The following ITPK1 variants were observed in gnomAD, a reference collection of about 807,000 sequenced individuals.
ITPK1 encodes inositol 1,3,4-trisphosphate 5/6-kinase.
Under a neutral mutation model 45.3 loss-of-function variants are expected in ITPK1, and 21 were observed. The observed-to-expected ratio is 0.46, with a 90% CI of 0.33 to 0.67. The LOEUF (loss-of-function observed/expected upper bound fraction) is 0.67. Ranked by LOEUF, ITPK1 falls within the 30% of genes least tolerant of loss-of-function variation. The pLI is 0.02. For missense variants in ITPK1, 474 were observed against 573.5 expected (o/e 0.83, Z 1.77); for synonymous variants, 258 against 253.6 (o/e 1.02, Z -0.16).
Position 93,014,589 on chromosome 14 carries a change from G to A in ITPK1, c.246+2087C>T, listed in dbSNP as rs1888080889. On this transcript the variant is annotated intron_variant, in intron 4 of 10. Transcript: ENST00000267615. This position sits in a 1 kb window ranked among gnomAD's most constrained non-coding sequence, Gnocchi z 4.4. The stretch of plus-strand genomic sequence containing the variant: ...AACTGAGGCTGTGGGGAGGCACGCG[G>A]TTCCTAAGTTTTGGAACAAGGATCT... 6.6e-6 allele frequency among the ~76,000 whole-genome samples: 1 copy of A among 152,174 alleles called. No homozygotes were observed. Among genetic ancestry groups the A allele is most frequent in the Admixed American group, 6.5e-5 (1 of 15,286 alleles).
intron 5 of ITPK1, among the ~76,000 whole-genome samples, chr14:92,992,660 G>A (rs1401196267): frequency 6.6e-6 from 1 of 152,248 alleles, no homozygotes; most frequent in African/African-American, 2.4e-5. Context: ...CTCCAGGCCA[G>A]GGTCCTCAGT....
Position 92,941,180 on chromosome 14 carries a change from C to T in ITPK1, c.*381G>A, listed in dbSNP as rs558641660. ...CAGCCCGACATGGGCAGGCTTCCCCCAAGGGTCCCGGTCCACAGTGGCCAT... is the reference window on the plus strand; with the variant it reads ...CAGCCCGACATGGGCAGGCTTCCCCTAAGGGTCCCGGTCCACAGTGGCCAT... On this transcript the variant is annotated 3_prime_UTR_variant, in exon 11 of 11. Transcript: ENST00000267615. 1.8e-4 allele frequency: 221 copies of T among 1,235,928 alleles called. No homozygotes were observed. Among genetic ancestry groups the T allele is most frequent in the Non-Finnish European group, 2.2e-4 (213 of 976,348 alleles). The allele number at this position is 1,235,928 out of a possible 1,614,324, so 76.6% of individuals were successfully genotyped here.
chr14:92,983,819 T>TA (rs1886353488), intron 5 of ITPK1, among the ~76,000 whole-genome samples: 1 of 142,390 alleles, frequency 7.0e-6, no homozygotes, highest in Non-Finnish European at 1.5e-5. Context: ...CCCAGTTTGT[T>TA]TAAAAAAAAA....
At position 92,941,698 on chromosome 14, in the gene ITPK1, C is replaced by T. The variant is rs761329471; in HGVS notation, c.1108G>A (p.Ala370Thr). 2.1e-5 allele frequency: 33 copies of T among 1,560,374 alleles called. No homozygotes were observed. Among genetic ancestry groups the T allele is most frequent in the Admixed American group, 1.3e-4 (7 of 54,268 alleles). The change falls in exon 11 of 11, where the codon GCG (alanine) becomes ACG (threonine). Residue 370 changes from alanine (A) to threonine (T), a missense_variant. Ala to Thr is a moderately conservative substitution (Grantham distance 58). Transcript: ENST00000267615. Reference protein sequence around the residue: ...GCCGSMMGQDAPWKAEADAGG... With the variant: ...GCCGSMMGQDTPWKAEADAGG... Reference sequence around the variant, plus strand: ...GCGTCGGCCTCAGCCTTCCAGGGCGCGTCCTGGCCCATCATGCTGCCGCAG... The same window carrying T: ...GCGTCGGCCTCAGCCTTCCAGGGCGTGTCCTGGCCCATCATGCTGCCGCAG...
intron 2 of ITPK1, among the ~76,000 whole-genome samples, chr14:93,100,243 T>A (rs997094084): frequency 6.6e-6 from 1 of 152,102 alleles, no homozygotes; most frequent in Admixed American, 6.5e-5. Flanking sequence ...GCATGAGGGA[T>A]GGGGGACCCT....
intron 4 of ITPK1, among the ~76,000 whole-genome samples, chr14:93,015,558 C>A (rs538214581): frequency 2.6e-5 from 4 of 152,244 alleles, no homozygotes; most frequent in Non-Finnish European, 5.9e-5. Flanking sequence ...AGTCTCCAGT[C>A]CGATCAAGGA....
intron 2 of ITPK1, among the ~76,000 whole-genome samples, chr14:93,111,509 G>A (rs1362252794): frequency 6.6e-6 from 1 of 152,012 alleles, no homozygotes; most frequent in African/African-American, 2.4e-5. Context: ...TCAGGAGTTC[G>A]AGACCAGCCT....
Position 92,979,694 on chromosome 14 carries a change from AT to A in ITPK1, c.364+14185del, listed in dbSNP as rs543042273. On this transcript the variant is annotated intron_variant, in intron 5 of 10. Coordinates refer to ENST00000267615, the MANE Select transcript of ITPK1 (RefSeq NM_014216.6). ...TACTTCCCCTTTGCCTTCCGCCATG[AT>A]TGTAAGTTTCCTGAGGCCTCCCTGG... is the stretch of plus-strand genomic sequence containing the variant. Among the ~76,000 whole-genome samples, 446 of 151,930 alleles carry A rather than the reference AT, an allele frequency of 2.9e-3. 4 individuals carry two copies. The highest frequency in any genetic ancestry group is 9.9e-3 in the African/African-American group (408 of 41,394).
chr14:93,111,743 T>C (rs113699097), intron 2 of ITPK1, among the ~76,000 whole-genome samples: 26 of 106,732 alleles, frequency 2.4e-4, no homozygotes, highest in Admixed American at 2.4e-3. Context: ...AAAGAGGGGG[T>C]GGTGTGGGAG....
chr14:93,103,032 G>A lies in ITPK1; in HGVS notation c.95+12037C>T, dbSNP rs369502156. On this transcript the variant is annotated intron_variant, in intron 2 of 10. Coordinates refer to ENST00000267615, the MANE Select transcript of ITPK1 (RefSeq NM_014216.6). ...GAAGAATGGCATGAACCTGGGAGGC[G>A]GAGCTTGCAGTGAGCCAAGATCGCG... Among the ~76,000 whole-genome samples the A allele has an allele frequency of 4.4e-4, 65 of 147,808 alleles. 1 individual carries two copies. In the East Asian group the frequency reaches 5.2e-3, roughly 12 times the overall value.
intron 8 of ITPK1, among the ~76,000 whole-genome samples, chr14:92,953,258 C>T (rs1054153644): frequency 2.6e-5 from 4 of 152,246 alleles, no homozygotes; most frequent in African/African-American, 4.8e-5. Flanking sequence ...GCGTCCCTCC[C>T]GCTAGCGGGG....
chr14:92,993,043 A>G (rs1177319621), intron 5 of ITPK1, among the ~76,000 whole-genome samples: 1 of 152,236 alleles, frequency 6.6e-6, no homozygotes, highest in East Asian at 1.9e-4. Flanking sequence ...CCATCACAGG[A>G]AATTATGCCC....
chr14:93,063,980 T>A lies in ITPK1; in HGVS notation c.120+12615A>T, dbSNP rs1890638512. On this transcript the variant is annotated intron_variant, in intron 3 of 10. Coordinates refer to ENST00000267615, the MANE Select transcript of ITPK1 (RefSeq NM_014216.6). This position sits in a 1 kb window ranked among gnomAD's most constrained non-coding sequence, Gnocchi z 4.3. ...CTTACTGCCCAGACAACAGGGCTGG[T>A]GACCTTTAAAAAAAAAAAATTGGCC... 6.6e-6 allele frequency among the ~76,000 whole-genome samples: 1 copy of A among 151,754 alleles called. No individual in the cohort carries two copies. Among genetic ancestry groups the A allele is most frequent in the Admixed American group, 6.6e-5 (1 of 15,242 alleles).
intron 7 of ITPK1, 119 bp downstream of exon 7, chr14:92,962,236 G>A (rs1443308511): frequency 1.6e-5 from 13 of 797,758 alleles, no homozygotes; most frequent in Non-Finnish European, 2.9e-5. Context: ...CTACCAAGGA[G>A]CCAGGACTAA....
rs191888514 is a variant in ITPK1, at chr14:93,077,404, G to A, written c.96-785C>T. ...ACGATCTCAGCTCACTACAACCTCC[G>A]CCTCCCGGGTTCAAGCGATTCTCCT... On this transcript the variant is annotated intron_variant, in intron 2 of 10. Transcript: ENST00000267615. Among the ~76,000 whole-genome samples, 925 of 152,020 alleles carry A rather than the reference G, an allele frequency of 6.1e-3. 13 individuals are homozygous for A. Among genetic ancestry groups the A allele is most frequent in the African/African-American group, 0.021 (888 of 41,440 alleles).
chr14:92,970,926 G>T (rs1691835161), intron 5 of ITPK1, among the ~76,000 whole-genome samples: 1 of 152,062 alleles, frequency 6.6e-6, no homozygotes, highest in Non-Finnish European at 1.5e-5. Flanking sequence ...TGAGCCACCG[G>T]GCCAGCCTTA....
chr14:93,006,780 G>C (rs1393953576), intron 4 of ITPK1, among the ~76,000 whole-genome samples: 1 of 152,178 alleles, frequency 6.6e-6, no homozygotes, highest in African/African-American at 2.4e-5. Flanking sequence ...ACAGAGGAGA[G>C]GGCTGGAAGG....
intron 3 of ITPK1, among the ~76,000 whole-genome samples, chr14:93,030,408 C>A (rs1365614230): frequency 1.3e-5 from 2 of 152,230 alleles, no homozygotes; most frequent in Non-Finnish European, 2.9e-5. Context: ...GGAAAGACAA[C>A]AGGACTTGTT....
intron 9 of ITPK1, among the ~76,000 whole-genome samples, chr14:92,946,986 G>A (rs1351019815): frequency 1.3e-5 from 2 of 152,230 alleles, no homozygotes; most frequent in East Asian, 3.9e-4. Context: ...GGGAGAAGGA[G>A]AGCGGCCCCA....
Sources: allele counts gnomAD v4.1 joint callset (sites outside exome capture counted in the v4.1 genomes callset), GRCh38; gene constraint gnomAD v4.1.1; non-coding constraint Gnocchi (gnomAD v3.1); transcripts MANE v1.5; gene names NCBI Gene and HGNC (gene_info 2026-07-23, HGNC 2026-07-21).